The following NDUFA10 variants were observed in gnomAD, a reference collection of about 807,000 sequenced individuals.
The protein encoded by NDUFA10 is NADH dehydrogenase [ubiquinone] 1 alpha subcomplex subunit 10, mitochondrial.
A neutral mutation model predicts 47.8 loss-of-function variants in NDUFA10; 40 were observed. That is an observed-to-expected ratio of 0.84 (90% CI 0.65 to 1.09). The LOEUF is 1.09. Among genes scored for constraint, NDUFA10 ranks in the 50% least tolerant of loss-of-function variants. The probability of loss-of-function intolerance (pLI) is 0.00; values close to 1 mark genes in which losing one functional copy is unlikely to be tolerated. For synonymous variants in NDUFA10, 183 were observed against 172.2 expected (o/e 1.06, Z -0.49); for missense variants, 413 against 451.1 (o/e 0.92, Z 0.76).
intron 8 of NDUFA10, among the ~76,000 whole-genome samples, chr2:239,996,159 G>GT (rs1294258392): frequency 6.6e-6 from 1 of 152,174 alleles, no homozygotes; most frequent in East Asian, 1.9e-4. Context: ...GAGAAAATCA[G>GT]TAAGGATACC....
At chr2:240,010,203 G>A (rs1295137093) in intron 6 of NDUFA10, among the ~76,000 whole-genome samples, 2 of 152,122 alleles carry the variant, frequency 1.3e-5, no homozygotes, top group African/African-American at 4.8e-5. Context: ...CAATCCATAC[G>A]GCTTGAGCTG....
chr2:240,022,080 ATTAT>A, intron 2 of NDUFA10, 88 bp downstream of exon 2: 1 of 1,015,470 alleles, frequency 9.8e-7, no homozygotes, highest in South Asian at 3.0e-5. Context: ...AATATTTAAT[ATTAT>A]TTAATATTAA....
chr2:239,922,750 G>A (rs1369088863), intron 4 of NDUFA10, among the ~76,000 whole-genome samples: 1 of 152,256 alleles, frequency 6.6e-6, no homozygotes, highest in Non-Finnish European at 1.5e-5. Context: ...GAGGGAGAGT[G>A]AAGTGGGTTT....
At chr2:239,916,053 C>CACACACAGAGA (rs1559278555) in intron 4 of NDUFA10, among the ~76,000 whole-genome samples, 4 of 148,978 alleles carry the variant, frequency 2.7e-5, no homozygotes, top group African/African-American at 1.0e-4. Flanking sequence ...CACAAACATA[C>CACACACAGAGA]ACACACACAT....
At chr2:239,924,848 T>C (rs1694043054) in intron 4 of NDUFA10, among the ~76,000 whole-genome samples, 1 of 152,132 alleles carries the variant, frequency 6.6e-6, no homozygotes, top group Non-Finnish European at 1.5e-5. Flanking sequence ...AACTAATGCG[T>C]GTTCATCAAG....
At chr2:239,985,738 T>C (rs188882578) in intron 9 of NDUFA10, among the ~76,000 whole-genome samples, 2 of 151,766 alleles carry the variant, frequency 1.3e-5, no homozygotes, top group East Asian at 3.9e-4. Context: ...GGTGAAAACT[T>C]GTCTCTACTA....
intron 8 of NDUFA10, among the ~76,000 whole-genome samples, chr2:239,997,761 G>A (rs993825134): frequency 6.6e-5 from 10 of 152,142 alleles, no homozygotes; most frequent in African/African-American, 4.8e-5. Flanking sequence ...GTAAATGGCC[G>A]GATAGCAAAT....
chr2:239,953,689 C>G (rs530030918), downstream of NDUFA10, among the ~76,000 whole-genome samples: 23 of 146,954 alleles, frequency 1.6e-4, no homozygotes, highest in African/African-American at 6.0e-4. Context: ...GAAAACGCAA[C>G]AGGCACCGCG....
chr2:239,977,245 C>T (rs867703801), intron 9 of NDUFA10, among the ~76,000 whole-genome samples: 57 of 152,340 alleles, frequency 3.7e-4, no homozygotes, highest in Admixed American at 2.6e-4. Context: ...TTCAAAGTCA[C>T]CCATCCATTG....
At chr2:239,939,380 C>A (rs1301597505) in intron 4 of NDUFA10, among the ~76,000 whole-genome samples, 2 of 152,230 alleles carry the variant, frequency 1.3e-5, no homozygotes, top group Non-Finnish European at 2.9e-5. Flanking sequence ...GGGGTAGAAC[C>A]ACAAAGGAGC....
chr2:239,961,176 C>T lies in NDUFA10; in HGVS notation c.1010G>A (p.Arg337His), dbSNP rs201449418. 8.1e-6 allele frequency: 13 copies of T among 1,608,098 alleles called. No homozygotes were observed. The highest frequency in any genetic ancestry group is 1.6e-4 in the Middle Eastern group (1 of 6,078). Reference protein sequence around the residue: ...VLHQFRELPGRKYSPGYNTEV... With the variant: ...VLHQFRELPGHKYSPGYNTEV... ...GGTGTTGTACCCAGGGCTGTACTTGCGGCCCGGCAGCTGTGGGGGAAAAAG... is the reference window on the plus strand; with the variant it reads ...GGTGTTGTACCCAGGGCTGTACTTGTGGCCCGGCAGCTGTGGGGGAAAAAG... Residue 337 changes from arginine to histidine, a missense_variant, in exon 10 of 10, where the codon CGC becomes CAC. By Grantham distance (29) the Arg-to-His change is conservative. Transcript: ENST00000252711.
intron 4 of NDUFA10, among the ~76,000 whole-genome samples, chr2:239,915,799 CAG>C (rs1437982398): frequency 4.6e-5 from 7 of 151,106 alleles, no homozygotes; most frequent in Non-Finnish European, 1.0e-4. Context: ...TATATAAATA[CAG>C]ACAGAGAGAC....
chr2:239,920,555 G>A (rs189227721), intron 4 of NDUFA10, among the ~76,000 whole-genome samples: 7 of 152,306 alleles, frequency 4.6e-5, no homozygotes, highest in East Asian at 3.9e-4. Flanking sequence ...AATTGAGAAC[G>A]GGAGTCCTTA....
chr2:239,963,231 G>A (rs1694926040), intron 9 of NDUFA10, among the ~76,000 whole-genome samples: 1 of 152,254 alleles, frequency 6.6e-6, no homozygotes, highest in Non-Finnish European at 1.5e-5. Flanking sequence ...CATTCAGCCA[G>A]TGATGCCAAG....
intron 6 of NDUFA10, among the ~76,000 whole-genome samples, chr2:240,011,206 T>G (rs1395319568): frequency 6.6e-6 from 1 of 152,216 alleles, no homozygotes; most frequent in Non-Finnish European, 1.5e-5. Context: ...ATTAAGAATG[T>G]CTAGAGAAAG....
At chr2:240,009,232 C>T (rs1475947774) in intron 6 of NDUFA10, among the ~76,000 whole-genome samples, 2 of 152,222 alleles carry the variant, frequency 1.3e-5, no homozygotes, top group Non-Finnish European at 2.9e-5. Context: ...TGCTCCTCTT[C>T]TTGTCTCTGA....
chr2:239,993,634 T>A (rs1318476234), intron 8 of NDUFA10, among the ~76,000 whole-genome samples: 2 of 152,034 alleles, frequency 1.3e-5, no homozygotes, highest in South Asian at 2.1e-4. Context: ...TGTGACTTTT[T>A]AAAAAAATAA....
chr2:240,022,180 T>C lies in NDUFA10; in HGVS notation c.236A>G (p.Glu79Gly). 1.2e-6 allele frequency: 2 copies of C among 1,609,946 alleles called. No homozygotes were observed. Among genetic ancestry groups the C allele is most frequent in the Non-Finnish European group, 1.7e-6 (2 of 1,176,164 alleles). Residue 79 changes from glutamate to glycine, a missense_variant, in exon 2 of 10, where the codon GAG becomes GGG. Coordinates refer to ENST00000252711, the MANE Select transcript of NDUFA10 (RefSeq NM_004544.4). ...GTAACATAAAATCATACCTAGTTTCTCTGCTATTTCTTTTGCAAGTTTGCC... is the reference window on the plus strand; with the variant it reads ...GTAACATAAAATCATACCTAGTTTCCCTGCTATTTCTTTTGCAAGTTTGCC... ...GKGKLAKEIAEKLGFKHFPEA... is the reference protein window; with the variant it reads ...GKGKLAKEIAGKLGFKHFPEA...
At chr2:239,941,398 A>G (rs1694359028) in intron 4 of NDUFA10, among the ~76,000 whole-genome samples, 1 of 152,108 alleles carries the variant, frequency 6.6e-6, no homozygotes, top group Admixed American at 6.6e-5. Flanking sequence ...CGGCTGTTCC[A>G]CCCTCGGTGT....
Sources: gnomAD v4.1 joint callset for allele counts (sites outside exome capture counted in the v4.1 genomes callset) on GRCh38, gnomAD v4.1.1 for gene constraint, MANE v1.5 for transcripts, NCBI Gene and HGNC (gene_info 2026-07-23, HGNC 2026-07-21) for gene names.